Variants in SIDT2 observed in about 807,000 individuals in gnomAD.
The protein encoded by SIDT2 is SID1 transmembrane family member 2.
In SIDT2, 68 loss-of-function variants were observed where a neutral mutation model predicts 114.4. The observed-to-expected ratio is 0.59, with a 90% confidence interval of 0.49 to 0.73. The LOEUF (loss-of-function observed/expected upper bound fraction) is 0.73, where lower values mean the gene tolerates loss of function less well. SIDT2 is among the 30% of genes least tolerant of loss of function. The probability of loss-of-function intolerance (pLI) is 0.00; values close to 1 mark genes in which losing one functional copy is unlikely to be tolerated. For missense variants in SIDT2, 918 were observed against 1,097.1 expected (o/e 0.84, Z 2.31); for synonymous variants, 470 against 438.4 (o/e 1.07, Z -0.90).
At position 117,191,885 on chromosome 11, in the gene SIDT2, G is replaced by A. The variant is rs201577657; in HGVS notation, c.1743G>A (p.Ser581=). Residue 581 remains serine, a synonymous_variant, in exon 19 of 26, where the codon TCG becomes TCA. Coordinates refer to ENST00000324225, the MANE Select transcript of SIDT2 (RefSeq NM_001040455.2). ...CCGTGTCCCTCATCCTAGACACATC[G>A]TTCATGTACATGATCGCCGGACTCT... The part of the protein sequence containing the change: ...PNYTNFQFDT[S]FMYMIAGLCM... 31 of 1,613,918 alleles carry A rather than the reference G, an allele frequency of 1.9e-5. No individual in the cohort carries two copies. Among genetic ancestry groups the A allele is most frequent in the East Asian group, 6.7e-5 (3 of 44,884 alleles).
Position 117,193,278 on chromosome 11 carries a change from C to A in SIDT2, c.2211+20C>A. 8.8e-6 allele frequency: 14 copies of A among 1,590,796 alleles called. No individual in the cohort carries two copies. Among genetic ancestry groups the A allele is most frequent in the Non-Finnish European group, 1.2e-5 (14 of 1,161,626 alleles). On this transcript the variant is annotated intron_variant, in intron 23 of 25. Coordinates refer to ENST00000324225, the MANE Select transcript of SIDT2 (RefSeq NM_001040455.2). ...ATGAAGGTGAGTGGGGCTGGCCAAGCCCCCTCTGTCAGCTGCTCTGCTATC... is the reference window on the plus strand; with the variant it reads ...ATGAAGGTGAGTGGGGCTGGCCAAGACCCCTCTGTCAGCTGCTCTGCTATC...
At chr11:117,184,684 A>C (rs61268522) in intron 8 of SIDT2, among the ~76,000 whole-genome samples, 3,644 of 152,278 alleles carry the variant, frequency 0.024, 76 homozygotes, top group South Asian at 0.098. Context: ...CTGAATGATT[A>C]AATGGGGCCC....
At position 117,179,173 on chromosome 11, in the gene SIDT2, C is replaced by G; in HGVS notation, c.-91C>G. The G allele has an allele frequency of 1.6e-6, 2 of 1,274,876 alleles. No individual in the cohort carries two copies. Among genetic ancestry groups the G allele is most frequent in the Non-Finnish European group, 2.2e-6 (2 of 922,486 alleles). The allele number at this position is 1,274,876 out of a possible 1,614,324, so 79.0% of individuals were successfully genotyped here. On this transcript the variant is annotated 5_prime_UTR_variant, in exon 1 of 26. Transcript: ENST00000324225. The stretch of plus-strand genomic sequence containing the variant: ...GGTCCTGGTGAGATGCTGGAAGCTG[C>G]GGCCGCAGCCGCAACCCGTCCCGGA...
At chr11:117,179,963 T>G (rs1168345411) in intron 1 of SIDT2, 1 of 152,270 alleles carries the variant, frequency 6.6e-6, no homozygotes, top group Non-Finnish European at 1.5e-5. Flanking sequence ...GACAGAGGTT[T>G]TATAAGGCCA....
At position 117,190,080 on chromosome 11, in the gene SIDT2, G is replaced by A. The variant is rs778742528; in HGVS notation, c.1493+55G>A. 4.3e-6 allele frequency: 7 copies of A among 1,613,824 alleles called. No individual in the cohort carries two copies. The highest frequency in any genetic ancestry group is 5.9e-6 in the Non-Finnish European group (7 of 1,179,810). The stretch of plus-strand genomic sequence containing the variant: ...CAGGCCAAGGGTGAAATGGGGCAGG[G>A]CCTGGGGCTTTGCAATGCCCACGTG... On this transcript the variant is annotated intron_variant, in intron 16 of 25. Transcript: ENST00000324225. The surrounding 1 kb of genome is among the most constrained non-coding windows in gnomAD (Gnocchi z 4.1).
intron 8 of SIDT2, 112 bp from the exon 9 acceptor site, chr11:117,186,018 G>C: frequency 3.6e-6 from 3 of 836,538 alleles, no homozygotes; most frequent in Non-Finnish European, 5.9e-6. Context: ...CATTTGAGGG[G>C]AGAAGGGTGA....
chr11:117,192,418 C>T lies in SIDT2; in HGVS notation c.1981+56C>T. Reference sequence around the variant, plus strand: ...GAGGGGTCTGGGGGGCCTTGGGAACCCGGACGCACGGGAGACGCTCAGGTT... The same window carrying T: ...GAGGGGTCTGGGGGGCCTTGGGAACTCGGACGCACGGGAGACGCTCAGGTT... On this transcript the variant is annotated intron_variant, in intron 20 of 25. Coordinates refer to ENST00000324225, the MANE Select transcript of SIDT2 (RefSeq NM_001040455.2). This position sits in a 1 kb window ranked among gnomAD's most constrained non-coding sequence, Gnocchi z 5.9. The T allele has an allele frequency of 7.1e-7, 1 of 1,412,402 alleles. No homozygotes were observed. The highest frequency in any genetic ancestry group is 1.0e-6 in the Non-Finnish European group (1 of 1,003,118). 87.5% of individuals were successfully genotyped at this position (1,412,402 alleles called of 1,614,324 possible).
chr11:117,193,378 G>A, intron 23 of SIDT2, 120 bp downstream of exon 23: 1 of 909,514 alleles, frequency 1.1e-6, no homozygotes, highest in Non-Finnish European at 1.7e-6. Flanking sequence ...GGTTGCGGAG[G>A]GGAGAGGCTA....
chr11:117,183,867 C>G lies in SIDT2; in HGVS notation c.791C>G (p.Pro264Arg). 1 of 1,612,966 alleles carries G rather than the reference C, an allele frequency of 6.2e-7. No individual in the cohort carries two copies. The highest frequency in any genetic ancestry group is 2.2e-5 in the East Asian group (1 of 44,878). The stretch of plus-strand genomic sequence containing the variant: ...TGCGGGGGCTCCCTGCCTTTCTACC[C>G]CTTCGCAGAAGGTACATTTTGTGCC... ...QACGGSLPFYPFAEDEPVDQG... is the reference protein window; with the variant it reads ...QACGGSLPFYRFAEDEPVDQG... The change falls in exon 7 of 26, where the codon CCC becomes CGC. Residue 264 changes from proline to arginine, a missense_variant. Around this residue, in one of 4 missense-constraint regions of SIDT2, gnomAD observed 553 missense variants for 600.1 expected, o/e 0.92. Transcript: ENST00000324225.
In SIDT2 at chr11:117,195,857, T is replaced by A; in HGVS notation, c.2378T>A (p.Phe793Tyr). Reference sequence around the variant, plus strand: ...CGGGACTGCATCCTCCTCGACTTCTTTGACGACCACGACATCTGGCACTTC... The same window carrying A: ...CGGGACTGCATCCTCCTCGACTTCTATGACGACCACGACATCTGGCACTTC... ...HNRDCILLDF[F>Y]DDHDIWHFLS... The change falls in exon 25 of 26, where the codon TTT (phenylalanine) becomes TAT (tyrosine). Residue 793 changes from phenylalanine to tyrosine, a missense_variant. Coordinates refer to ENST00000324225, the MANE Select transcript of SIDT2 (RefSeq NM_001040455.2). 1 of 1,614,214 alleles carries A rather than the reference T, an allele frequency of 6.2e-7. No homozygotes were observed. Among genetic ancestry groups the A allele is most frequent in the Non-Finnish European group, 8.5e-7 (1 of 1,180,032 alleles).
chr11:117,186,045 G>C (rs1295583798), intron 8 of SIDT2, 85 bp from the exon 9 acceptor site: 1 of 1,093,362 alleles, frequency 9.1e-7, no homozygotes, highest in East Asian at 2.4e-5. Context: ...GAGCTGGGTG[G>C]AGGAGGACAT....
chr11:117,184,040 C>A, intron 7 of SIDT2, 34 bp from the exon 8 acceptor site: 1 of 1,612,978 alleles, frequency 6.2e-7, no homozygotes, highest in Non-Finnish European at 8.5e-7. Context: ...AAGCTCCAGG[C>A]AACTAGTTTA....
intron 1 of SIDT2, among the ~76,000 whole-genome samples, 163 bp from the exon 2 acceptor site, chr11:117,181,253 G>A (rs1290122623): frequency 6.6e-6 from 1 of 152,076 alleles, no homozygotes; most frequent in Non-Finnish European, 1.5e-5. Flanking sequence ...CCTGGAGTCT[G>A]GGGGTTGTTC....
In SIDT2 at chr11:117,196,107, C is replaced by T. The variant is rs1220556203; in HGVS notation, c.*41C>T. 1 of 1,613,102 alleles carries T rather than the reference C, an allele frequency of 6.2e-7. No individual in the cohort carries two copies. Among genetic ancestry groups the T allele is most frequent in the South Asian group, 1.1e-5 (1 of 91,046 alleles). ...TCGCTTCACCTCAAGGGGCCCTGAGCTCCTTTGTGTCATAGACCGGTCACT... is the reference window on the plus strand; with the variant it reads ...TCGCTTCACCTCAAGGGGCCCTGAGTTCCTTTGTGTCATAGACCGGTCACT... On this transcript the variant is annotated 3_prime_UTR_variant, in exon 26 of 26. Transcript: ENST00000324225. This position sits in a 1 kb window ranked among gnomAD's most constrained non-coding sequence, Gnocchi z 4.9.
At position 117,189,330 on chromosome 11, in the gene SIDT2, C is replaced by T. The variant is rs199571489; in HGVS notation, c.1353-5C>T. 2.8e-5 allele frequency: 46 copies of T among 1,614,178 alleles called. No individual in the cohort carries two copies. In the East Asian group the frequency reaches 6.2e-4, roughly 22 times the overall value. ...CCACCTCACTGCCGCCCTCCTGCTC[C>T]GCAGGAACATTGCCACCATTGCTGT... is the stretch of plus-strand genomic sequence containing the variant. On this transcript the variant is annotated splice_polypyrimidine_tract_variant and splice_region_variant and intron_variant, in intron 14 of 25. Transcript: ENST00000324225.
chr11:117,181,675 A>C, intron 2 of SIDT2, 132 bp from the exon 3 acceptor site: 1 of 1,567,122 alleles, frequency 6.4e-7, no homozygotes, highest in Non-Finnish European at 8.7e-7. Flanking sequence ...GCCGAGTCCC[A>C]CCAGCCGGGA....
intron 23 of SIDT2, 46 bp downstream of exon 23, chr11:117,193,304 T>TG: frequency 1.3e-6 from 2 of 1,507,844 alleles, no homozygotes; most frequent in Non-Finnish European, 1.8e-6. Flanking sequence ...CTCTGCTATC[T>TG]GGGGAGAGAG....
intron 1 of SIDT2, 177 bp downstream of exon 1, chr11:117,179,623 T>C (rs745391379): frequency 1.5e-5 from 9 of 609,438 alleles, no homozygotes; most frequent in Admixed American, 3.4e-5. Flanking sequence ...GCCACCAATG[T>C]TTCTCTGAAG....
In SIDT2 at chr11:117,182,816, G is replaced by A. The variant is rs1281147235; in HGVS notation, c.702+10G>A. 2 of 1,612,342 alleles carry A rather than the reference G, an allele frequency of 1.2e-6. No homozygotes were observed. Among genetic ancestry groups the A allele is most frequent in the Non-Finnish European group, 8.5e-7 (1 of 1,179,142 alleles). On this transcript the variant is annotated intron_variant, in intron 6 of 25. Transcript: ENST00000324225. ...GGCCATCACCGTACAGGTAGGAAAT[G>A]CATGTGGCCACGTGGGAGGTGTGGC...
Sources: allele counts gnomAD v4.1 joint callset (sites outside exome capture counted in the v4.1 genomes callset), GRCh38; gene constraint gnomAD v4.1.1; regional missense constraint gnomAD v4.1.1; non-coding constraint Gnocchi (gnomAD v3.1); transcripts MANE v1.5; gene names NCBI Gene and HGNC (gene_info 2026-07-23, HGNC 2026-07-21).